SEC22C: variants seen among roughly 807,000 people sequenced by gnomAD.
The protein encoded by SEC22C is vesicle-trafficking protein SEC22c.
In SEC22C, 29 loss-of-function variants were observed where a neutral mutation model predicts 34.7. The observed-to-expected ratio is 0.84, with a 90% CI of 0.62 to 1.14. SEC22C has a LOEUF of 1.14. SEC22C is among the 50% of genes most tolerant of loss of function. The pLI is 0.00. For synonymous variants in SEC22C, 117 were observed against 132.8 expected, an observed-to-expected ratio of 0.88 and a Z score of 0.82; for missense variants, 337 against 369.0, an observed-to-expected ratio of 0.91 and a Z score of 0.71.
rs188339566 is a variant in SEC22C at position 42,599,209 on chromosome 3, C to T, written c.-28+1751G>A. Among the ~76,000 whole-genome samples, 290 of 150,442 alleles carry T rather than the reference C, an allele frequency of 1.9e-3. 3 individuals carry two copies. The highest frequency in any genetic ancestry group is 6.9e-3 in the Middle Eastern group (2 of 288). Reference sequence around the variant, plus strand: ...CTCGATCTCCTGACCTCGTGATCCGCCTGCCTCGGCCTCCCAAAGTGCTGG... The same window carrying T: ...CTCGATCTCCTGACCTCGTGATCCGTCTGCCTCGGCCTCCCAAAGTGCTGG... On this transcript the variant is annotated intron_variant, in intron 1 of 6. Coordinates refer to the SEC22C transcript ENST00000417572.
rs186133393 is a variant in SEC22C at position 42,578,441 on chromosome 3, C to T, written c.-28+3405G>A. 2.0e-3 allele frequency among the ~76,000 whole-genome samples: 301 copies of T among 152,088 alleles called. 1 individual carries two copies. The highest frequency in any genetic ancestry group is 3.1e-3 in the Admixed American group (48 of 15,262). On this transcript the variant is annotated intron_variant, in intron 1 of 6. Transcript: ENST00000264454. ...GTAGAGAGGAAGGGAATGGGTGTGACTATGAATGAACAGCCAAAGGCATCT... is the reference window on the plus strand; with the variant it reads ...GTAGAGAGGAAGGGAATGGGTGTGATTATGAATGAACAGCCAAAGGCATCT...
intron 1 of SEC22C, among the ~76,000 whole-genome samples, chr3:42,595,884 T>C (rs886597958): frequency 6.6e-6 from 1 of 152,178 alleles, no homozygotes; most frequent in East Asian, 1.9e-4. Context: ...ATAATGAAAA[T>C]AGCATCTGCC....
chr3:42,579,242 A>G (rs965154189), intron 1 of SEC22C, among the ~76,000 whole-genome samples: 1 of 152,124 alleles, frequency 6.6e-6, no homozygotes, highest in Non-Finnish European at 1.5e-5. Flanking sequence ...GTGCCATCAC[A>G]CTCCAGCCTG....
Position 42,553,213 on chromosome 3 carries a change from GA to G in SEC22C, c.*34del, listed in dbSNP as rs759297527. On this transcript the variant is annotated 3_prime_UTR_variant, in exon 7 of 7. Coordinates refer to ENST00000264454, the MANE Select transcript of SEC22C (RefSeq NM_032970.4). ...GAGAAACATAGATTGATCCTCAAAA[GA>G]AAATCAAAGAATCCATTCATCACAG... 6 of 1,608,506 alleles carry G rather than the reference GA, an allele frequency of 3.7e-6. No individual in the cohort carries two copies. The East Asian group carries it at 1.3e-4, about 36-fold the overall frequency.
In SEC22C at chr3:42,550,168, T is replaced by A; in HGVS notation, c.*3080A>T. 1 of 985,494 alleles carries A rather than the reference T, an allele frequency of 1.0e-6. No individual in the cohort carries two copies. The highest frequency in any genetic ancestry group is 1.2e-6 in the Non-Finnish European group (1 of 829,950). 61.0% of individuals were successfully genotyped at this position (985,494 alleles called of 1,614,324 possible). A position where few individuals can be genotyped will look rare whatever the true frequency, so the allele number is the denominator to read the frequency against. ...CACACTCTGGCCTTGATACAGTAGA[T>A]GGGACTTAACACACTCTGATGCTCA... On this transcript the variant is annotated 3_prime_UTR_variant, in exon 7 of 7. Transcript: ENST00000264454.
At position 42,548,529 on chromosome 3, in the gene SEC22C, G is replaced by A. The variant is rs1365128309; in HGVS notation, c.*4719C>T. The A allele has an allele frequency of 2.7e-6, 4 of 1,503,512 alleles. No homozygotes were observed. In the African/African-American group the frequency reaches 4.1e-5, roughly 16 times the overall value. 93.1% of individuals were successfully genotyped at this position (1,503,512 alleles called of 1,614,324 possible). A position where few individuals can be genotyped will look rare whatever the true frequency, so the allele number is the denominator to read the frequency against. Reference sequence around the variant, plus strand: ...CCTTTTCCACAGGCTCCCTGCTGATGAGATTTCCCCAGCAGCAGAAGTTTG... The same window carrying A: ...CCTTTTCCACAGGCTCCCTGCTGATAAGATTTCCCCAGCAGCAGAAGTTTG... On this transcript the variant is annotated 3_prime_UTR_variant, in exon 7 of 7. Transcript: ENST00000264454.
In SEC22C at chr3:42,590,714, C is replaced by A. The variant is rs1328096727; in HGVS notation, c.-28+10246G>T. On this transcript the variant is annotated intron_variant, in intron 1 of 6. Coordinates refer to the SEC22C transcript ENST00000417572. ...CAAGCGCAAAGGATACGAAAACGCCCCCGGCGTTCTGGGGGCTGGGACCGA... is the reference window on the plus strand; with the variant it reads ...CAAGCGCAAAGGATACGAAAACGCCACCGGCGTTCTGGGGGCTGGGACCGA... 4.4e-6 allele frequency: 3 copies of A among 675,296 alleles called. No individual in the cohort carries two copies. The East Asian group carries it at 7.9e-5, about 18-fold the overall frequency. The allele number at this position is 675,296 out of a possible 1,614,324, so 41.8% of individuals were successfully genotyped here. A position where few individuals can be genotyped will look rare whatever the true frequency, so the allele number is the denominator to read the frequency against.
At chr3:42,591,217 T>TTTTTTA (rs58624450) in intron 1 of SEC22C, 1 of 583,150 alleles carries the variant, frequency 1.7e-6, no homozygotes, top group African/African-American at 1.9e-5. Context: ...TTTTTTTTTT[T>TTTTTTA]GAGACGGAGT....
At position 42,551,468 on chromosome 3, in the gene SEC22C, AAGTGC is replaced by A. The variant is rs1423556600; in HGVS notation, c.*1775_*1779del. 1.8e-6 allele frequency: 1 copy of A among 567,970 alleles called. No homozygotes were observed. Among genetic ancestry groups the A allele is most frequent in the African/African-American group, 2.0e-5 (1 of 48,974 alleles). 35.2% of individuals were successfully genotyped at this position (567,970 alleles called of 1,614,324 possible). A position where few individuals can be genotyped will look rare whatever the true frequency, so the allele number is the denominator to read the frequency against. On this transcript the variant is annotated 3_prime_UTR_variant, in exon 7 of 7. Coordinates refer to ENST00000264454, the MANE Select transcript of SEC22C (RefSeq NM_032970.4). ...GGGATCCTCCTGCCTCAGACTCCCA[AAGTGC>A]TGGGATTACAGGCATGTGCCATCAC...
Position 42,550,317 on chromosome 3 carries a change from CAA to C in SEC22C, c.*2929_*2930del, listed in dbSNP as rs2125690456. ...AGGTAGCATTTAACTACTGGGAAAA[CAA>C]AAGTGCTACAACAACAGTGAGTCCA... On this transcript the variant is annotated 3_prime_UTR_variant, in exon 7 of 7. Coordinates refer to ENST00000264454, the MANE Select transcript of SEC22C (RefSeq NM_032970.4). The C allele has an allele frequency of 1.0e-6, 1 of 985,424 alleles. No individual in the cohort carries two copies. The highest frequency in any genetic ancestry group is 4.7e-5 in the South Asian group (1 of 21,290). The allele number at this position is 985,424 out of a possible 1,614,324, so 61.0% of individuals were successfully genotyped here.
chr3:42,564,142 T>C (rs996854220), intron 2 of SEC22C: 1 of 338,538 alleles, frequency 3.0e-6, no homozygotes, highest in East Asian at 7.9e-5. Flanking sequence ...TTGGGACTTT[T>C]GTGTCTATGC....
At chr3:42,556,044 A>G (rs1220877709) in intron 5 of SEC22C, 49 bp from the exon 6 acceptor site, 1 of 1,435,980 alleles carries the variant, frequency 7.0e-7, no homozygotes, top group Non-Finnish European at 9.8e-7. Flanking sequence ...AGATGAAAGG[A>G]AACACTGTGA....
intron 1 of SEC22C, among the ~76,000 whole-genome samples, chr3:42,590,491 G>A (rs572121027): frequency 6.6e-6 from 1 of 152,260 alleles, no homozygotes; most frequent in South Asian, 2.1e-4. Context: ...GACGGGCGTG[G>A]TGGCGGGCGC....
chr3:42,561,613 T>C (rs1702920257), intron 3 of SEC22C, among the ~76,000 whole-genome samples: 1 of 152,184 alleles, frequency 6.6e-6, no homozygotes, highest in African/African-American at 2.4e-5. Context: ...GGTCTCAAAC[T>C]CCTGAGCTCA....
At chr3:42,578,514 T>C (rs2125725441) in intron 1 of SEC22C, among the ~76,000 whole-genome samples, 1 of 149,970 alleles carries the variant, frequency 6.7e-6, no homozygotes, top group African/African-American at 2.5e-5. Flanking sequence ...ATTACAGGAA[T>C]CTACACACGA....
intron 1 of SEC22C, among the ~76,000 whole-genome samples, chr3:42,575,620 T>G (rs891428557): frequency 6.6e-6 from 1 of 152,128 alleles, no homozygotes; most frequent in Non-Finnish European, 1.5e-5. Context: ...TGTAAATAAG[T>G]GAAGCAAAAA....
At chr3:42,591,498 T>C (rs1704838894) in intron 1 of SEC22C, 1 of 1,589,150 alleles carries the variant, frequency 6.3e-7, no homozygotes, top group East Asian at 2.2e-5. Context: ...CGGCCTGCAC[T>C]GACCCTTTCT....
Position 42,589,256 on chromosome 3 carries a change from G to A in SEC22C, c.-28+11704C>T, listed in dbSNP as rs372380571. Reference sequence around the variant, plus strand: ...TGCACTCCAGCCTGGGTGACAGAGCGAGACTCTGTCTCAAAAAAAAAAGAA... The same window carrying A: ...TGCACTCCAGCCTGGGTGACAGAGCAAGACTCTGTCTCAAAAAAAAAAGAA... On this transcript the variant is annotated intron_variant, in intron 1 of 6. Transcript: ENST00000417572. Among the ~76,000 whole-genome samples the A allele has an allele frequency of 3.9e-5, 6 of 151,934 alleles. No homozygotes were observed. The South Asian group carries it at 1.0e-3, about 26-fold the overall frequency.
intron 1 of SEC22C, among the ~76,000 whole-genome samples, chr3:42,574,639 A>G (rs1703850711): frequency 6.6e-6 from 1 of 152,196 alleles, no homozygotes; most frequent in Admixed American, 6.5e-5. Flanking sequence ...ACTATTTAAG[A>G]CAATTATAAA....
Sources: allele counts gnomAD v4.1 joint callset (sites outside exome capture counted in the v4.1 genomes callset), GRCh38; gene constraint gnomAD v4.1.1; transcripts MANE v1.5; gene names NCBI Gene and HGNC (gene_info 2026-07-23, HGNC 2026-07-21).